Variants in ADGRE3 observed in about 807,000 individuals in gnomAD.
ADGRE3 encodes the protein EGF-like module receptor 3.
Under a neutral mutation model 80.1 loss-of-function variants are expected in ADGRE3, and 88 were observed. The observed-to-expected ratio is 1.10, with a 90% confidence interval of 0.93 to 1.31. ADGRE3 has a LOEUF of 1.31. Ranked by LOEUF, ADGRE3 falls within the 40% of genes most tolerant of loss-of-function variation. ADGRE3 has a pLI of 0.00. For missense variants in ADGRE3, 715 were observed against 776.5 expected (o/e 0.92, Z 0.94); for synonymous variants, 281 against 294.8 (o/e 0.95, Z 0.48).
At chr19:14,618,555 G>A (rs114578132), downstream of ADGRE3, among the ~76,000 whole-genome samples, 1,183 of 148,874 alleles carry the variant, frequency 7.9e-3, 16 homozygotes, top group African/African-American at 0.028. Flanking sequence ...CTCAGTCTCA[G>A]AAGAAAATAA....
At position 14,619,379 on chromosome 19, in the gene ADGRE3, A is replaced by T; in HGVS notation, c.*54T>A. The T allele has an allele frequency of 7.9e-7, 1 of 1,271,978 alleles. No individual in the cohort carries two copies. Among genetic ancestry groups the T allele is most frequent in the South Asian group, 1.2e-5 (1 of 83,460 alleles). 78.8% of individuals were successfully genotyped at this position (1,271,978 alleles called of 1,614,324 possible). A position where few individuals can be genotyped will look rare whatever the true frequency, so the allele number is the denominator to read the frequency against. On this transcript the variant is annotated 3_prime_UTR_variant, in exon 16 of 16. Coordinates refer to ENST00000253673, the MANE Select transcript of ADGRE3 (RefSeq NM_032571.5). ...CTTTTCCTTAGCTTCATTCTTCATA[A>T]TGCCAAAGAGATCCATGGATATGAT...
chr19:14,674,781 C>T lies in ADGRE3; in HGVS notation c.-11G>A, dbSNP rs771882447. On this transcript the variant is annotated 5_prime_UTR_variant, in exon 1 of 16. Coordinates refer to ENST00000253673, the MANE Select transcript of ADGRE3 (RefSeq NM_032571.5). Reference sequence around the variant, plus strand: ...CAATGGTCCCTGCATTTCTGTGGTACGGGTATCCCACGCCAGCCAGCCCTG... The same window carrying T: ...CAATGGTCCCTGCATTTCTGTGGTATGGGTATCCCACGCCAGCCAGCCCTG... 102 of 1,613,652 alleles carry T rather than the reference C, an allele frequency of 6.3e-5. No individual in the cohort carries two copies. The highest frequency in any genetic ancestry group is 1.1e-4 in the African/African-American group (8 of 74,900).
intron 13 of ADGRE3, among the ~76,000 whole-genome samples, chr19:14,632,476 A>G (rs1970913399): frequency 6.6e-6 from 1 of 152,124 alleles, no homozygotes; most frequent in Non-Finnish European, 1.5e-5. Context: ...GCTGGGTGTT[A>G]TCATGTGACA....
the ADGRE3 span, among the ~76,000 whole-genome samples, chr19:14,611,894 C>A: frequency 6.6e-6 from 1 of 152,122 alleles, no homozygotes; most frequent in African/African-American, 2.4e-5. Flanking sequence ...ATCCCAGCTA[C>A]TCAGGAGACT....
chr19:14,600,827 G>A, the ADGRE3 span, among the ~76,000 whole-genome samples: 2 of 148,152 alleles, frequency 1.3e-5, no homozygotes, highest in Non-Finnish European at 3.0e-5. Flanking sequence ...CTGACCTCGT[G>A]ATCTGCCCGC....
chr19:14,665,958 A>ATATATATATATG (rs1972091000), intron 2 of ADGRE3, among the ~76,000 whole-genome samples: 1 of 123,754 alleles, frequency 8.1e-6, no homozygotes, highest in African/African-American at 2.8e-5. Context: ...ATATATATAT[A>ATATATATATATG]TATATATATA....
the ADGRE3 span, among the ~76,000 whole-genome samples, chr19:14,608,658 G>A: frequency 4.7e-4 from 61 of 129,638 alleles, 1 homozygote; most frequent in South Asian, 2.7e-3. Context: ...TTTTGAGACA[G>A]AGTCTCACTC....
chr19:14,612,394 G>C, the ADGRE3 span, among the ~76,000 whole-genome samples: 1 of 152,088 alleles, frequency 6.6e-6, no homozygotes, highest in Non-Finnish European at 1.5e-5. Flanking sequence ...GGAGTGCAGT[G>C]GTGTGATCTC....
At chr19:14,647,410 C>A in intron 7 of ADGRE3, 45 bp from the exon 8 acceptor site, 226 of 939,862 alleles carry the variant, frequency 2.4e-4, no homozygotes, top group Non-Finnish European at 3.0e-4. Flanking sequence ...TCTTTTCTTT[C>A]TTTTTTTTTT....
At chr19:14,636,266 T>C (rs539160799) in intron 11 of ADGRE3, among the ~76,000 whole-genome samples, 4 of 147,694 alleles carry the variant, frequency 2.7e-5, no homozygotes, top group South Asian at 2.2e-4. Context: ...GTCGTTTAGG[T>C]TGGGGTGCGT....
At chr19:14,625,349 T>G (rs1383611947) in intron 15 of ADGRE3, 143 bp downstream of exon 15, 5 of 620,924 alleles carry the variant, frequency 8.1e-6, no homozygotes, top group Non-Finnish European at 1.5e-5. Flanking sequence ...CGTTTACCTA[T>G]GTAACAAACC....
the ADGRE3 span, chr19:14,610,208 G>A: frequency 2.1e-5 from 33 of 1,551,826 alleles, no homozygotes; most frequent in South Asian, 3.4e-4. Context: ...GCCCAGGGCC[G>A]AGGCTGGGGG....
chr19:14,655,772 T>C (rs11085903), intron 5 of ADGRE3, among the ~76,000 whole-genome samples: 63,256 of 151,782 alleles, frequency 0.42, 13,579 homozygotes, highest in East Asian at 0.62. Context: ...GGGTTAGTTA[T>C]TATTAACGTT....
intron 7 of ADGRE3, 52 bp downstream of exon 7, chr19:14,651,033 C>G (rs1297523849): frequency 6.2e-7 from 1 of 1,606,244 alleles, no homozygotes; most frequent in Non-Finnish European, 8.5e-7. Flanking sequence ...CCATGACTCA[C>G]ACAATGACAT....
intron 15 of ADGRE3, among the ~76,000 whole-genome samples, chr19:14,620,568 A>ATATATATATATT (rs1435435269): frequency 1.8e-4 from 2 of 11,054 alleles, no homozygotes; most frequent in African/African-American, 8.2e-4. Context: ...ATATATATAT[A>ATATATATATATT]TTTTTTTTTT....
chr19:14,663,846 A>G (rs1196668406), intron 2 of ADGRE3, among the ~76,000 whole-genome samples: 2 of 151,946 alleles, frequency 1.3e-5, no homozygotes, highest in Non-Finnish European at 2.9e-5. Context: ...TTCAAAACAA[A>G]TATATATATT....
chr19:14,626,076 A>G (rs1213742027), intron 14 of ADGRE3, among the ~76,000 whole-genome samples: 1 of 151,748 alleles, frequency 6.6e-6, no homozygotes, highest in Non-Finnish European at 1.5e-5. Context: ...ATGGTTAAAA[A>G]GGTAAATTTT....
intron 10 of ADGRE3, among the ~76,000 whole-genome samples, chr19:14,641,081 T>C (rs1245692631): frequency 6.6e-6 from 1 of 152,192 alleles, no homozygotes; most frequent in Non-Finnish European, 1.5e-5. Context: ...TTTGTGCCCC[T>C]AGAGAGCCAA....
Position 14,651,188 on chromosome 19 carries a change from C to A in ADGRE3, c.594G>T (p.Ala198=). 6.2e-7 allele frequency: 1 copy of A among 1,614,058 alleles called. No individual in the cohort carries two copies. Among genetic ancestry groups the A allele is most frequent in the Admixed American group, 1.7e-5 (1 of 60,014 alleles). The change falls in exon 7 of 16, where the codon GCG becomes GCT. Residue 198 remains alanine (A), a synonymous_variant. Transcript: ENST00000253673. ...QNDSVAIETQ[A]ITDNCSEERK... ...TTTCTTCAGAGCAATTGTCTGTAAT[C>A]GCTTGAGTTTCAATAGCTGGTAAGA...
Sources: allele counts gnomAD v4.1 joint callset (sites outside exome capture counted in the v4.1 genomes callset), GRCh38; gene constraint gnomAD v4.1.1; transcripts MANE v1.5; gene names NCBI Gene and HGNC (gene_info 2026-07-23, HGNC 2026-07-21).